The following ATP10A variants were observed in gnomAD, a reference collection of about 807,000 sequenced individuals.
ATP10A encodes ATPase phospholipid transporting 10A (putative).
A neutral mutation model predicts 147.8 loss-of-function variants in ATP10A; 111 were observed. The observed-to-expected ratio is 0.75, with a 90% CI of 0.64 to 0.88. ATP10A has a LOEUF of 0.88. Ranked by LOEUF, ATP10A falls within the 40% of genes least tolerant of loss-of-function variation. The probability of loss-of-function intolerance (pLI) is 0.00; values close to 1 mark genes in which losing one functional copy is unlikely to be tolerated. For missense variants in ATP10A, 1,927 were observed against 1,959.0 expected, an observed-to-expected ratio of 0.98 and a Z score of 0.31; for synonymous variants, 875 against 841.6, an observed-to-expected ratio of 1.04 and a Z score of -0.69.
intron 16 of ATP10A, among the ~76,000 whole-genome samples, chr15:25,685,667 CA>C (rs921613722): frequency 1.1e-4 from 16 of 151,836 alleles, no homozygotes; most frequent in Non-Finnish European, 2.1e-4. Context: ...CCTGTCTCTA[CA>C]AAATAGAAAA....
At chr15:25,692,527 G>A (rs758708043) in intron 14 of ATP10A, among the ~76,000 whole-genome samples, 33 of 152,150 alleles carry the variant, frequency 2.2e-4, no homozygotes, top group Non-Finnish European at 3.4e-4. Flanking sequence ...GATACACAAA[G>A]TTAGAATGAC....
chr15:25,732,555 C>CTTTTTT (rs1200680800), intron 3 of ATP10A, among the ~76,000 whole-genome samples: 1 of 16,080 alleles, frequency 6.2e-5, no homozygotes. Flanking sequence ...CATGCGACAC[C>CTTTTTT]TTCTTTTTTT....
intron 1 of ATP10A, among the ~76,000 whole-genome samples, chr15:25,836,352 C>A (rs1411876301): frequency 6.6e-6 from 1 of 152,200 alleles, no homozygotes; most frequent in Non-Finnish European, 1.5e-5. Context: ...TTTGCTAATT[C>A]TCTTCTCTTT....
At chr15:25,846,111 C>T (rs142725166) in intron 1 of ATP10A, among the ~76,000 whole-genome samples, 1 of 152,080 alleles carries the variant, frequency 6.6e-6, no homozygotes, top group Non-Finnish European at 1.5e-5. Flanking sequence ...CAGTCCACTT[C>T]GTAGAGGCTG....
intron 1 of ATP10A, among the ~76,000 whole-genome samples, chr15:25,786,757 C>T (rs528456951): frequency 6.9e-6 from 1 of 145,606 alleles, no homozygotes; most frequent in South Asian, 2.2e-4. Flanking sequence ...TTCCGAGTAG[C>T]TGGGACTACA....
intron 1 of ATP10A, among the ~76,000 whole-genome samples, chr15:25,798,176 G>C (rs1200658049): frequency 1.3e-5 from 2 of 152,268 alleles, no homozygotes; most frequent in South Asian, 2.1e-4. Flanking sequence ...TCAGCAATGA[G>C]AGCCCTGCCC....
chr15:25,851,552 A>G (rs1312320922), intron 1 of ATP10A, among the ~76,000 whole-genome samples: 1 of 152,186 alleles, frequency 6.6e-6, no homozygotes, highest in Non-Finnish European at 1.5e-5. Flanking sequence ...GAATGCTTTC[A>G]TGTTACCATT....
At chr15:25,718,429 C>G in intron 7 of ATP10A, 30 bp from the exon 8 acceptor site, 1 of 1,560,908 alleles carries the variant, frequency 6.4e-7, no homozygotes, top group Non-Finnish European at 8.6e-7. Context: ...GGTGAGGCAT[C>G]ATGGGGGAAG....
intron 2 of ATP10A, among the ~76,000 whole-genome samples, chr15:25,777,851 A>G (rs187422825): frequency 6.7e-6 from 1 of 149,786 alleles, no homozygotes; most frequent in African/African-American, 2.5e-5. Flanking sequence ...GCCTCAAACA[A>G]TCCTCCTGTC....
chr15:25,759,256 T>A (rs1202839103), intron 2 of ATP10A, among the ~76,000 whole-genome samples: 1 of 152,048 alleles, frequency 6.6e-6, no homozygotes, highest in Non-Finnish European at 1.5e-5. Context: ...TATAACAAAA[T>A]GATAAAGGGA....
rs186921933 is a variant in ATP10A at position 25,706,273 on chromosome 15, T to C, written c.2575+1703A>G. Among the ~76,000 whole-genome samples, 234 of 152,138 alleles carry C rather than the reference T, an allele frequency of 1.5e-3. 2 individuals carry two copies. The highest frequency in any genetic ancestry group is 5.4e-3 in the African/African-American group (225 of 41,508). ...GCCAAGAGAGGTGACCGATGCACGATCACCAGAGAAAGCCTGCAGAGGAGA... is the reference window on the plus strand; with the variant it reads ...GCCAAGAGAGGTGACCGATGCACGACCACCAGAGAAAGCCTGCAGAGGAGA... On this transcript the variant is annotated intron_variant, in intron 12 of 20. Coordinates refer to ENST00000555815, the MANE Select transcript of ATP10A (RefSeq NM_024490.4).
Position 25,694,590 on chromosome 15 carries a change from G to A in ATP10A, c.3088+229C>T, listed in dbSNP as rs114689200. ...CATCTTGTTGCCGTAAAGCAGCACC[G>A]GATTACTGACCTTGCAGCATGAACC... On this transcript the variant is annotated intron_variant, in intron 14 of 20. Coordinates refer to ENST00000555815, the MANE Select transcript of ATP10A (RefSeq NM_024490.4). 8.9e-3 allele frequency among the ~76,000 whole-genome samples: 1,352 copies of A among 152,298 alleles called. 31 individuals carry two copies. Among genetic ancestry groups the A allele is most frequent in the African/African-American group, 0.031 (1,282 of 41,562 alleles).
Position 25,714,118 on chromosome 15 carries a change from T to G in ATP10A, c.1900A>C (p.Ser634Arg), listed in dbSNP as rs1303731915. The G allele has an allele frequency of 2.5e-6, 4 of 1,612,996 alleles. No individual in the cohort carries two copies. Among genetic ancestry groups the G allele is most frequent in the Non-Finnish European group, 3.4e-6 (4 of 1,180,040 alleles). ...SIGSLAANKS[S>R]HKLGSSFPST... ...GGGAAGCTGGAGCCCAACTTGTGGC[T>G]GGACTTGTTGGCGGCCAGGCTCCCG... Residue 634 changes from serine (S) to arginine (R), a missense_variant, in exon 10 of 21, where the codon AGC (serine) becomes CGC (arginine). Ser to Arg is a moderately radical substitution (Grantham distance 110). Transcript: ENST00000555815.
chr15:25,845,624 G>C (rs1359203259), intron 1 of ATP10A, among the ~76,000 whole-genome samples: 2 of 152,138 alleles, frequency 1.3e-5, no homozygotes, highest in African/African-American at 4.8e-5. Flanking sequence ...AAGGACTACA[G>C]GGAGGGGAGT....
chr15:25,824,614 A>G (rs1892040363), intron 1 of ATP10A, among the ~76,000 whole-genome samples: 1 of 150,686 alleles, frequency 6.6e-6, no homozygotes, highest in South Asian at 2.1e-4. Context: ...ATGTTTAGGA[A>G]GTCAGTGAAG....
At chr15:25,704,173 C>T (rs185262694) in intron 12 of ATP10A, among the ~76,000 whole-genome samples, 1 of 152,296 alleles carries the variant, frequency 6.6e-6, no homozygotes, top group East Asian at 1.9e-4. Context: ...TGACAGGTTC[C>T]TTGATGTCTG....
At chr15:25,855,020 T>G (rs1002707929) in intron 1 of ATP10A, among the ~76,000 whole-genome samples, 2 of 148,608 alleles carry the variant, frequency 1.3e-5, no homozygotes, top group African/African-American at 5.1e-5. Flanking sequence ...GATCGCCCCA[T>G]TGCACTCCAG....
intron 2 of ATP10A, among the ~76,000 whole-genome samples, chr15:25,768,093 T>C (rs957847202): frequency 6.6e-6 from 1 of 152,238 alleles, no homozygotes; most frequent in South Asian, 2.1e-4. Flanking sequence ...CAGCTGGTTC[T>C]CTGCACTGGA....
chr15:25,713,764 C>A lies in ATP10A; in HGVS notation c.2254G>T (p.Val752Leu). 6.2e-7 allele frequency: 1 copy of A among 1,614,152 alleles called. No homozygotes were observed. Among genetic ancestry groups the A allele is most frequent in the Admixed American group, 1.7e-5 (1 of 60,024 alleles). The part of the protein sequence containing the change: ...FDSVRKRMSV[V>L]IRHPLTDEIN... ...TCATCGGTAAGCGGGTGCCGGATCA[C>A]CACTGACATCCTCTTGCGGACGGAA... The change falls in exon 10 of 21, where the codon GTG becomes TTG. Residue 752 changes from valine to leucine, a missense_variant. Transcript: ENST00000555815.
Sources: allele counts gnomAD v4.1 joint callset (sites outside exome capture counted in the v4.1 genomes callset), GRCh38; gene constraint gnomAD v4.1.1; transcripts MANE v1.5; gene names NCBI Gene and HGNC (gene_info 2026-07-23, HGNC 2026-07-21).